The following NUP37 variants were observed in gnomAD, a reference collection of about 807,000 sequenced individuals.
NUP37 encodes the protein nucleoporin 37.
NUP37 carries 33 observed loss-of-function variants against 45.4 expected under a neutral mutation model. The ratio of observed to expected loss-of-function variants is 0.73; its 90% confidence interval spans 0.55 to 0.97. The LOEUF is 0.97. Among genes scored for constraint, NUP37 ranks in the 50% least tolerant of loss-of-function variants. The pLI is 0.00. For synonymous variants in NUP37, 127 were observed against 130.7 expected (o/e 0.97, Z 0.19); for missense variants, 365 against 389.7 (o/e 0.94, Z 0.53).
chr12:102,099,289 A>C, intron 4 of NUP37, 89 bp from the exon 5 acceptor site: 1 of 876,512 alleles, frequency 1.1e-6, no homozygotes. Flanking sequence ...CACTGCCTTA[A>C]AAGCTTTCAC....
chr12:102,089,728 C>G (rs900397339), intron 5 of NUP37, among the ~76,000 whole-genome samples: 2 of 151,892 alleles, frequency 1.3e-5, no homozygotes, highest in African/African-American at 4.8e-5. Context: ...GGCGGCCGGG[C>G]AGAGGCGCTC....
intron 5 of NUP37, among the ~76,000 whole-genome samples, chr12:102,097,620 C>T (rs1478200859): frequency 2.0e-5 from 3 of 152,180 alleles, no homozygotes; most frequent in African/African-American, 7.2e-5. Flanking sequence ...CTCCGGCTTT[C>T]GTTCACTATT....
chr12:102,099,356 A>C (rs933540699), intron 4 of NUP37, among the ~76,000 whole-genome samples, 156 bp from the exon 5 acceptor site: 4 of 152,218 alleles, frequency 2.6e-5, no homozygotes, highest in African/African-American at 9.6e-5. Flanking sequence ...AGCACGATTT[A>C]TACACCCACT....
intron 6 of NUP37, among the ~76,000 whole-genome samples, chr12:102,081,684 A>G (rs767053868): frequency 3.9e-5 from 6 of 152,134 alleles, no homozygotes; most frequent in Non-Finnish European, 8.8e-5. Flanking sequence ...CATTCAACAA[A>G]TGTTGGCTGT....
At chr12:102,116,774 G>A (rs1410862853) in intron 2 of NUP37, among the ~76,000 whole-genome samples, 1 of 152,022 alleles carries the variant, frequency 6.6e-6, no homozygotes, top group Non-Finnish European at 1.5e-5. Flanking sequence ...GGAGGCTGAG[G>A]CGGGCGGATC....
intron 1 of NUP37, 29 bp from the exon 2 acceptor site, chr12:102,118,612 A>C: frequency 1.8e-6 from 2 of 1,093,706 alleles, no homozygotes; most frequent in South Asian, 3.1e-5. Flanking sequence ...GTACAATTAC[A>C]ATGGTCAATA....
At chr12:102,091,154 T>G (rs746371076) in intron 5 of NUP37, among the ~76,000 whole-genome samples, 1 of 151,924 alleles carries the variant, frequency 6.6e-6, no homozygotes, top group Non-Finnish European at 1.5e-5. Context: ...CCCAACACCT[T>G]GGGAGGCTGA....
At chr12:102,076,764 C>T in intron 8 of NUP37, 33 bp downstream of exon 8, 1 of 1,599,458 alleles carries the variant, frequency 6.3e-7, no homozygotes, top group Admixed American at 1.7e-5. Context: ...GTCAAAAGAT[C>T]AAATCACAGC....
At position 102,077,477 on chromosome 12, in the gene NUP37, T is replaced by C. The variant is rs781120093; in HGVS notation, c.567A>G (p.Thr189=). The change falls in exon 7 of 10, where the codon ACA becomes ACG. Residue 189 remains threonine (T), a synonymous_variant. Transcript: ENST00000552283. ...GGGCCAAAAGATCATAAAACCGGAT[T>C]GTTCCATTCTTCTCTGCAACCATTA... ...FKLMVAEKNG[T]IRFYDLLAQQ... is the part of the protein sequence containing the mutation. 6.8e-6 allele frequency: 11 copies of C among 1,613,572 alleles called. No homozygotes were observed. The East Asian group carries it at 2.2e-4, about 33-fold the overall frequency.
chr12:102,108,413 T>C (rs377750597), intron 3 of NUP37, among the ~76,000 whole-genome samples: 9 of 152,204 alleles, frequency 5.9e-5, no homozygotes, highest in African/African-American at 1.9e-4. Flanking sequence ...AGGCCACAGA[T>C]TGAAGGCTGC....
At chr12:102,091,595 A>T (rs1299141012) in intron 5 of NUP37, among the ~76,000 whole-genome samples, 1 of 152,078 alleles carries the variant, frequency 6.6e-6, no homozygotes, top group Non-Finnish European at 1.5e-5. Context: ...TACATATTTA[A>T]ATGTTTGCAA....
At chr12:102,105,003 T>A (rs1486431429) in intron 3 of NUP37, among the ~76,000 whole-genome samples, 1 of 152,202 alleles carries the variant, frequency 6.6e-6, no homozygotes, top group African/African-American at 2.4e-5. Context: ...AAAGACGTCA[T>A]TGAATTTGTA....
chr12:102,110,573 G>C (rs1318847645), intron 3 of NUP37, among the ~76,000 whole-genome samples: 1 of 151,378 alleles, frequency 6.6e-6, no homozygotes, highest in African/African-American at 2.4e-5. Context: ...GCCAGGTATG[G>C]TGGCTCATGC....
intron 3 of NUP37, 37 bp from the exon 4 acceptor site, chr12:102,101,141 C>T: frequency 7.7e-7 from 1 of 1,302,936 alleles, no homozygotes; most frequent in Non-Finnish European, 1.1e-6. Flanking sequence ...CAATTTTTAG[C>T]CTTTGTAAGT....
intron 8 of NUP37, 60 bp downstream of exon 8, chr12:102,076,737 A>G: frequency 7.2e-7 from 1 of 1,380,748 alleles, no homozygotes; most frequent in South Asian, 1.2e-5. Context: ...AAAGTATCCC[A>G]GTGGTGGCAC....
At chr12:102,102,219 T>A (rs1486077944) in intron 3 of NUP37, among the ~76,000 whole-genome samples, 2 of 152,214 alleles carry the variant, frequency 1.3e-5, no homozygotes, top group East Asian at 3.8e-4. Flanking sequence ...TGAGCCATTT[T>A]TTCTCAACTA....
intron 5 of NUP37, among the ~76,000 whole-genome samples, chr12:102,086,737 G>A (rs1344087718): frequency 1.3e-5 from 2 of 152,214 alleles, no homozygotes; most frequent in Non-Finnish European, 2.9e-5. Context: ...AGTACAGCCG[G>A]TGACAGAACT....
intron 2 of NUP37, among the ~76,000 whole-genome samples, chr12:102,114,592 G>A (rs1022522900): frequency 3.3e-5 from 5 of 152,240 alleles, no homozygotes; most frequent in Non-Finnish European, 7.4e-5. Context: ...TTTGAGGTTG[G>A]GGCAAAGCCA....
At chr12:102,076,195 T>G (rs1264239821) in intron 8 of NUP37, among the ~76,000 whole-genome samples, 1 of 152,206 alleles carries the variant, frequency 6.6e-6, no homozygotes, top group Non-Finnish European at 1.5e-5. Flanking sequence ...ATTCTTACAT[T>G]TAGTCGAATG....
Sources: gnomAD v4.1 joint callset for allele counts (sites outside exome capture counted in the v4.1 genomes callset) on GRCh38, gnomAD v4.1.1 for gene constraint, MANE v1.5 for transcripts, NCBI Gene and HGNC (gene_info 2026-07-23, HGNC 2026-07-21) for gene names.